Variants in INTU observed in about 807,000 individuals in gnomAD.
INTU encodes the protein inturned planar cell polarity protein.
Under a neutral mutation model 100.5 loss-of-function variants are expected in INTU, and 68 were observed. That is an observed-to-expected ratio of 0.68 (90% CI 0.56 to 0.83). The LOEUF (loss-of-function observed/expected upper bound fraction) is 0.83. Ranked by LOEUF, INTU falls within the 40% of genes least tolerant of loss-of-function variation. INTU has a pLI of 0.00. For synonymous variants in INTU, 357 were observed against 395.7 expected (o/e 0.90, Z 1.16); for missense variants, 1,071 against 1,114.7 (o/e 0.96, Z 0.56).
In INTU at chr4:127,720,854, T is replaced by A. The variant is rs986551059; in HGVS notation, c.*4418T>A. 3.3e-5 allele frequency: 5 copies of A among 152,090 alleles called. No homozygotes were observed. Among genetic ancestry groups the A allele is most frequent in the Non-Finnish European group, 5.9e-5 (4 of 67,992 alleles). 9.4% of individuals were successfully genotyped at this position (152,090 alleles called of 1,614,324 possible). A position where few individuals can be genotyped will look rare whatever the true frequency, so the allele number is the denominator to read the frequency against. The stretch of plus-strand genomic sequence containing the variant: ...TTTTCCTTCATCCTTTTATTTTGAG[T>A]CTATGTGTGTCCTTGCATGTGAGAT... On this transcript the variant is annotated 3_prime_UTR_variant, in exon 16 of 16. Coordinates refer to ENST00000335251, the MANE Select transcript of INTU (RefSeq NM_015693.4).
rs1467786683 is a variant in INTU, at chr4:127,714,017, G to GTGT, written c.2646_2648dup (p.Leu882dup). The GTGT allele has an allele frequency of 6.2e-7, 1 of 1,613,400 alleles. No individual in the cohort carries two copies. The highest frequency in any genetic ancestry group is 1.1e-5 in the South Asian group (1 of 91,060). On this transcript the variant is annotated inframe_insertion, in exon 15 of 16. Coordinates refer to ENST00000335251, the MANE Select transcript of INTU (RefSeq NM_015693.4). Reference sequence around the variant, plus strand: ...TCTTAACCCTGTTAAAGAACATGGTGTGTTGTTTGAATGTTCACCTGGAAA... The same window carrying GTGT: ...TCTTAACCCTGTTAAAGAACATGGTGTGTTGTTGTTTGAATGTTCACCTGGAAA...
intron 6 of INTU, among the ~76,000 whole-genome samples, chr4:127,677,103 G>C (rs1046794567): frequency 2.0e-5 from 3 of 152,192 alleles, no homozygotes; most frequent in Non-Finnish European, 2.9e-5. Flanking sequence ...CGGGAAGCTC[G>C]AACTGGGTGG....
At chr4:127,656,090 G>A (rs1578552556) in intron 2 of INTU, among the ~76,000 whole-genome samples, 2 of 152,292 alleles carry the variant, frequency 1.3e-5, no homozygotes, top group South Asian at 2.1e-4. Flanking sequence ...CTTGCACACG[G>A]TGTGCGCACC....
intron 11 of INTU, 92 bp from the exon 12 acceptor site, chr4:127,706,395 A>G (rs1459673535): frequency 1.2e-5 from 13 of 1,076,942 alleles, no homozygotes; most frequent in South Asian, 4.9e-5. Flanking sequence ...ATAGGCCTCT[A>G]TGTCTTCGAT....
In INTU at chr4:127,720,071, T is replaced by C. The variant is rs998740966; in HGVS notation, c.*3635T>C. ...TCACTAGTTCTTTTAGTTGTGATAC[T>C]AGGGTGTCGATTTGAGATCTTTCTA... On this transcript the variant is annotated 3_prime_UTR_variant, in exon 16 of 16. Coordinates refer to ENST00000335251, the MANE Select transcript of INTU (RefSeq NM_015693.4). 1.3e-5 allele frequency: 2 copies of C among 152,180 alleles called. No individual in the cohort carries two copies. Among genetic ancestry groups the C allele is most frequent in the Non-Finnish European group, 1.5e-5 (1 of 68,030 alleles). The allele number at this position is 152,180 out of a possible 1,614,324, so 9.4% of individuals were successfully genotyped here.
intron 5 of INTU, 123 bp from the exon 6 acceptor site, chr4:127,674,001 A>G (rs1483256670): frequency 4.0e-6 from 2 of 503,634 alleles, no homozygotes; most frequent in Non-Finnish European, 6.5e-6. Flanking sequence ...GAATATGAAA[A>G]GAAATCACTT....
intron 15 of INTU, among the ~76,000 whole-genome samples, chr4:127,714,570 A>T (rs191022789): frequency 1.3e-5 from 2 of 152,148 alleles, no homozygotes; most frequent in Non-Finnish European, 2.9e-5. Flanking sequence ...TCTGCATGGG[A>T]TATTCTATCC....
chr4:127,642,827 C>T (rs1170692996), intron 1 of INTU, among the ~76,000 whole-genome samples: 3 of 149,570 alleles, frequency 2.0e-5, no homozygotes, highest in Non-Finnish European at 4.4e-5. Context: ...TTTATAATCA[C>T]GATGAATTAT....
At chr4:127,710,302 A>T (rs1731046496) in intron 13 of INTU, among the ~76,000 whole-genome samples, 1 of 152,040 alleles carries the variant, frequency 6.6e-6, no homozygotes, top group African/African-American at 2.4e-5. Flanking sequence ...GATGTAATAT[A>T]TTATCCTAAC....
At chr4:127,684,158 A>T (rs1729708505) in intron 6 of INTU, among the ~76,000 whole-genome samples, 1 of 152,288 alleles carries the variant, frequency 6.6e-6, no homozygotes, top group African/African-American at 2.4e-5. Flanking sequence ...GAAGAAACTG[A>T]ACTTTAGAGA....
At chr4:127,683,565 C>T (rs1339800943) in intron 6 of INTU, among the ~76,000 whole-genome samples, 1 of 152,122 alleles carries the variant, frequency 6.6e-6, no homozygotes, top group Non-Finnish European at 1.5e-5. Flanking sequence ...TGCGTGTTTC[C>T]CTCCTCACCT....
At chr4:127,640,564 T>TATATAC (rs1560825704) in intron 1 of INTU, among the ~76,000 whole-genome samples, 1 of 67,830 alleles carries the variant, frequency 1.5e-5, no homozygotes, top group East Asian at 6.7e-4. Context: ...TATATATATA[T>TATATAC]ATATATATAT....
chr4:127,707,214 C>G (rs1730919374), intron 12 of INTU, among the ~76,000 whole-genome samples: 1 of 151,824 alleles, frequency 6.6e-6, no homozygotes, highest in South Asian at 2.1e-4. Flanking sequence ...AACCCAGTCT[C>G]TAATAAAATT....
chr4:127,674,898 G>C (rs565604731), intron 6 of INTU, among the ~76,000 whole-genome samples: 1 of 152,248 alleles, frequency 6.6e-6, no homozygotes, highest in African/African-American at 2.4e-5. Context: ...ATCAAAAGAG[G>C]GTTCAGTAAC....
In INTU at chr4:127,726,252, G is replaced by C. The variant is rs922803604; in HGVS notation, c.*9816G>C. On this transcript the variant is annotated 3_prime_UTR_variant, in exon 16 of 16. Transcript: ENST00000335251. Reference sequence around the variant, plus strand: ...GTGCCAAGGGACTATTGATGATGCTGTATAATGGCAAGATAGCATTTTGTA... The same window carrying C: ...GTGCCAAGGGACTATTGATGATGCTCTATAATGGCAAGATAGCATTTTGTA... 5 of 152,148 alleles carry C rather than the reference G, an allele frequency of 3.3e-5. No homozygotes were observed. The highest frequency in any genetic ancestry group is 1.2e-4 in the African/African-American group (5 of 41,436). 9.4% of individuals were successfully genotyped at this position (152,148 alleles called of 1,614,324 possible).
At chr4:127,649,091 A>T (rs1040246533) in intron 2 of INTU, among the ~76,000 whole-genome samples, 16 of 152,180 alleles carry the variant, frequency 1.1e-4, no homozygotes, top group African/African-American at 3.9e-4. Context: ...AAGGAAAAAA[A>T]GGAGGAATAG....
chr4:127,715,264 CAGA>C (rs1309794615), intron 15 of INTU, among the ~76,000 whole-genome samples: 1 of 152,024 alleles, frequency 6.6e-6, no homozygotes, highest in East Asian at 1.9e-4. Flanking sequence ...AGGACCACTG[CAGA>C]AGGTTATTTG....
chr4:127,638,290 C>T (rs1727162184), intron 1 of INTU, among the ~76,000 whole-genome samples: 1 of 152,092 alleles, frequency 6.6e-6, no homozygotes, highest in Non-Finnish European at 1.5e-5. Flanking sequence ...TATGTGTTGA[C>T]CACTTCGGTA....
chr4:127,700,002 T>A lies in INTU; in HGVS notation c.1450-8T>A, dbSNP rs75572799. The A allele has an allele frequency of 1.9e-6, 3 of 1,550,474 alleles. No individual in the cohort carries two copies. The highest frequency in any genetic ancestry group is 2.6e-6 in the Non-Finnish European group (3 of 1,150,370). On this transcript the variant is annotated splice_region_variant and splice_polypyrimidine_tract_variant and intron_variant, in intron 8 of 15. Transcript: ENST00000335251. Reference sequence around the variant, plus strand: ...GTTTATGTTACTCTTTTTTTTTTTTTAACATAGATGGAATTAGACATGGCA... The same window carrying A: ...GTTTATGTTACTCTTTTTTTTTTTTAAACATAGATGGAATTAGACATGGCA...
Sources: gnomAD v4.1 joint callset for allele counts (sites outside exome capture counted in the v4.1 genomes callset) on GRCh38, gnomAD v4.1.1 for gene constraint, MANE v1.5 for transcripts, NCBI Gene and HGNC (gene_info 2026-07-23, HGNC 2026-07-21) for gene names.